The following CPXM2 variants were observed in gnomAD, a reference collection of about 807,000 sequenced individuals.
CPXM2 encodes the protein carboxypeptidase X, M14 family member 2.
Under a neutral mutation model 86.1 loss-of-function variants are expected in CPXM2, and 66 were observed. That is an observed-to-expected ratio of 0.77 (90% CI 0.63 to 0.94). The LOEUF (loss-of-function observed/expected upper bound fraction) is 0.94. Ranked by LOEUF, CPXM2 falls within the 40% of genes least tolerant of loss-of-function variation. CPXM2 has a pLI of 0.00. For synonymous variants in CPXM2, 388 were observed against 400.2 expected (o/e 0.97, Z 0.36); for missense variants, 948 against 1,026.3 (o/e 0.92, Z 1.04).
chr10:123,801,120 T>A (rs559046935), intron 4 of CPXM2, among the ~76,000 whole-genome samples: 1 of 152,320 alleles, frequency 6.6e-6, no homozygotes, highest in African/African-American at 2.4e-5. Context: ...CCAAATTTCA[T>A]TTTGAATTGT....
intron 6 of CPXM2, among the ~76,000 whole-genome samples, chr10:123,789,442 G>A (rs1847151995): frequency 6.6e-6 from 1 of 152,234 alleles, no homozygotes; most frequent in Admixed American, 6.5e-5. Flanking sequence ...GGGCCAATTT[G>A]CAGCTTGACT....
upstream of CPXM2, among the ~76,000 whole-genome samples, chr10:123,892,632 C>A (rs1042688343): frequency 6.6e-6 from 1 of 152,212 alleles, no homozygotes. Context: ...CAAACAACAC[C>A]TATCTCACAG....
intron 2 of CPXM2, among the ~76,000 whole-genome samples, chr10:123,906,486 C>CTA (rs1945442402): frequency 6.6e-6 from 1 of 152,188 alleles, no homozygotes; most frequent in African/African-American, 2.4e-5. Flanking sequence ...AACACCCTTG[C>CTA]TATAAATCAT....
chr10:123,884,985 G>A (rs1945158293), intron 1 of CPXM2, among the ~76,000 whole-genome samples: 1 of 152,230 alleles, frequency 6.6e-6, no homozygotes, highest in South Asian at 2.1e-4. Context: ...CCTGGTAACA[G>A]CAGCAGGTGG....
rs944033710 is a variant in CPXM2 at position 123,746,663 on chromosome 10, G to C, written c.*101C>G. On this transcript the variant is annotated 3_prime_UTR_variant, in exon 14 of 14. Coordinates refer to ENST00000241305, the MANE Select transcript of CPXM2 (RefSeq NM_198148.3). ...GCACCCTCTCTTCCAGGCACTTCTT[G>C]AATTACAGAGGAAACAACAGTGAGT... 5 of 1,173,170 alleles carry C rather than the reference G, an allele frequency of 4.3e-6. No individual in the cohort carries two copies. In the African/African-American group the frequency reaches 7.6e-5, roughly 18 times the overall value. The allele number at this position is 1,173,170 out of a possible 1,614,324, so 72.7% of individuals were successfully genotyped here.
intron 7 of CPXM2, among the ~76,000 whole-genome samples, chr10:123,778,479 AG>A (rs367568167): frequency 2.6e-5 from 4 of 152,162 alleles, no homozygotes; most frequent in African/African-American, 9.7e-5. Context: ...GTGTCACCCA[AG>A]GGGGCTGCAC....
chr10:123,785,893 A>G (rs1847043311), intron 6 of CPXM2, among the ~76,000 whole-genome samples: 1 of 152,054 alleles, frequency 6.6e-6, no homozygotes, highest in Non-Finnish European at 1.5e-5. Context: ...TCAGCCTCCC[A>G]AAGTGCTGGG....
chr10:123,899,209 A>G (rs1368211875), intron 2 of CPXM2, among the ~76,000 whole-genome samples: 2 of 152,268 alleles, frequency 1.3e-5, no homozygotes, highest in Non-Finnish European at 2.9e-5. Flanking sequence ...CTTAAGTCAA[A>G]TATTAGCTAA....
intron 2 of CPXM2, among the ~76,000 whole-genome samples, chr10:123,932,656 A>T (rs79198071): frequency 0.062 from 9,452 of 152,182 alleles, 554 homozygotes; most frequent in African/African-American, 0.16. Flanking sequence ...ATTTCTCCCC[A>T]TGGAATGCAG....
At chr10:123,759,905 A>C (rs969943115) in intron 11 of CPXM2, among the ~76,000 whole-genome samples, 2 of 152,192 alleles carry the variant, frequency 1.3e-5, no homozygotes, top group Non-Finnish European at 2.9e-5. Context: ...GCCACTCCCC[A>C]TTAACTAGTG....
At chr10:123,836,209 G>A (rs1848276587) in intron 4 of CPXM2, among the ~76,000 whole-genome samples, 1 of 151,986 alleles carries the variant, frequency 6.6e-6, no homozygotes, top group Admixed American at 6.6e-5. Context: ...CCTCCCCTTG[G>A]CTCCATCTCA....
chr10:123,829,201 A>G (rs921495380), intron 4 of CPXM2, among the ~76,000 whole-genome samples: 4 of 152,224 alleles, frequency 2.6e-5, no homozygotes, highest in Admixed American at 2.0e-4. Flanking sequence ...AATGGCTAAA[A>G]TAAAAAATAG....
At chr10:123,817,554 C>T (rs545408820) in intron 4 of CPXM2, among the ~76,000 whole-genome samples, 2 of 152,282 alleles carry the variant, frequency 1.3e-5, no homozygotes, top group East Asian at 3.9e-4. Context: ...CCCATCTAGT[C>T]ATAAAGTGGG....
chr10:123,881,585 G>A (rs1298966468), intron 1 of CPXM2, among the ~76,000 whole-genome samples: 3 of 152,188 alleles, frequency 2.0e-5, no homozygotes, highest in African/African-American at 7.2e-5. Context: ...GTCCTGACTT[G>A]GGACAAGGAG....
At chr10:123,904,188 C>G (rs896957295) in intron 2 of CPXM2, among the ~76,000 whole-genome samples, 2 of 152,180 alleles carry the variant, frequency 1.3e-5, no homozygotes, top group African/African-American at 4.8e-5. Flanking sequence ...AGACCCCTTT[C>G]TGGAAAATTC....
intron 6 of CPXM2, among the ~76,000 whole-genome samples, chr10:123,787,566 T>C (rs1325659545): frequency 6.6e-6 from 1 of 152,096 alleles, no homozygotes; most frequent in Admixed American, 6.5e-5. Context: ...ACTCCTGACC[T>C]CAGGTGATTT....
At chr10:123,792,326 G>C (rs976828716) in intron 6 of CPXM2, among the ~76,000 whole-genome samples, 1 of 152,168 alleles carries the variant, frequency 6.6e-6, no homozygotes. Flanking sequence ...CAGAGTCCCC[G>C]ATCAGGAATG....
At chr10:123,850,012 A>G (rs1044179847) in intron 3 of CPXM2, among the ~76,000 whole-genome samples, 2 of 152,176 alleles carry the variant, frequency 1.3e-5, no homozygotes, top group African/African-American at 4.8e-5. Context: ...TTCAAACTTT[A>G]TATAAATGAA....
chr10:123,854,357 T>A (rs573532365), intron 3 of CPXM2, among the ~76,000 whole-genome samples: 66 of 117,350 alleles, frequency 5.6e-4, no homozygotes, highest in African/African-American at 5.3e-4. Flanking sequence ...TATATATATA[T>A]AAAAATATAT....
Sources: allele counts gnomAD v4.1 joint callset (sites outside exome capture counted in the v4.1 genomes callset), GRCh38; gene constraint gnomAD v4.1.1; transcripts MANE v1.5; gene names NCBI Gene and HGNC (gene_info 2026-07-23, HGNC 2026-07-21).